Variants in GRIA4 observed in about 807,000 individuals in gnomAD.
The protein encoded by GRIA4 is glutamate ionotropic receptor AMPA type subunit 4.
A neutral mutation model predicts 104.0 loss-of-function variants in GRIA4; 34 were observed. The observed-to-expected ratio is 0.33, with a 90% CI of 0.25 to 0.44. The LOEUF (loss-of-function observed/expected upper bound fraction) is 0.44, where lower values mean the gene tolerates loss of function less well. Ranked by LOEUF, GRIA4 falls within the 20% of genes least tolerant of loss-of-function variation. GRIA4 has a pLI of 1.00. For missense variants in GRIA4, 750 were observed against 1,096.5 expected (o/e 0.68, Z 4.46); for synonymous variants, 386 against 381.9 (o/e 1.01, Z -0.13).
intron 3 of GRIA4, among the ~76,000 whole-genome samples, chr11:105,625,959 T>C (rs924717520): frequency 6.6e-6 from 1 of 152,144 alleles, no homozygotes; most frequent in African/African-American, 2.4e-5. Flanking sequence ...ATAAACTATT[T>C]TTAAATTCTG....
chr11:105,900,761 T>C (rs562661739), intron 7 of GRIA4, among the ~76,000 whole-genome samples: 120 of 152,164 alleles, frequency 7.9e-4, no homozygotes, highest in Admixed American at 2.2e-3. Flanking sequence ...GGCTAATCTT[T>C]GTATTTTTAG....
intron 3 of GRIA4, among the ~76,000 whole-genome samples, chr11:105,616,272 A>C (rs1349637450): frequency 6.6e-6 from 1 of 151,748 alleles, no homozygotes; most frequent in African/African-American, 2.4e-5. Context: ...AAAAGCTGTA[A>C]AAATCACAAA....
Position 105,933,901 on chromosome 11 carries a change from G to T in GRIA4, c.2226G>T (p.Thr742=), listed in dbSNP as rs116431428. Residue 742 remains threonine (T), a synonymous_variant, in exon 14 of 17, where the codon ACG becomes ACT. Transcript: ENST00000282499. ...EYIEQRKPCD[T]MKVGGNLDSK... is the part of the protein sequence containing the mutation. ...TTGAGCAGCGAAAGCCATGTGACAC[G>T]ATGAAAGTGGGAGGAAATCTGGATT... The T allele has an allele frequency of 7.5e-4, 1,206 of 1,613,202 alleles. 4 individuals carry two copies. In the African/African-American group the frequency reaches 0.014, roughly 19 times the overall value.
chr11:105,757,286 G>A (rs969452468), intron 4 of GRIA4, among the ~76,000 whole-genome samples: 17 of 152,206 alleles, frequency 1.1e-4, no homozygotes, highest in African/African-American at 3.1e-4. Flanking sequence ...AAAGGGAGGC[G>A]TGTGCCTATC....
At chr11:105,828,465 G>A (rs1288145286) in intron 4 of GRIA4, among the ~76,000 whole-genome samples, 1 of 151,904 alleles carries the variant, frequency 6.6e-6, no homozygotes, top group Non-Finnish European at 1.5e-5. Flanking sequence ...ATGCTACCTA[G>A]GCAGCACTGG....
intron 3 of GRIA4, among the ~76,000 whole-genome samples, chr11:105,680,653 A>T (rs749200108): frequency 7.0e-4 from 107 of 152,050 alleles, no homozygotes; most frequent in Non-Finnish European, 1.2e-3. Flanking sequence ...TGTGCTTTTT[A>T]AAAAAATATA....
At chr11:105,655,350 A>T (rs577798878) in intron 3 of GRIA4, among the ~76,000 whole-genome samples, 32 of 151,856 alleles carry the variant, frequency 2.1e-4, no homozygotes, top group Non-Finnish European at 4.3e-4. Context: ...TCTTTTTTTT[A>T]AATTATACTT....
At chr11:105,759,798 G>A (rs1422880433) in intron 4 of GRIA4, among the ~76,000 whole-genome samples, 8 of 152,094 alleles carry the variant, frequency 5.3e-5, no homozygotes, top group Non-Finnish European at 7.4e-5. Flanking sequence ...ATCTTCAAGT[G>A]AGTTAAATCC....
At chr11:105,627,247 A>G (rs1950909202) in intron 3 of GRIA4, among the ~76,000 whole-genome samples, 1 of 152,136 alleles carries the variant, frequency 6.6e-6, no homozygotes. Context: ...TGTATGGATG[A>G]CATTGGAGAA....
intron 4 of GRIA4, among the ~76,000 whole-genome samples, chr11:105,856,248 AT>A (rs1411288600): frequency 6.6e-6 from 1 of 152,004 alleles, no homozygotes; most frequent in Non-Finnish European, 1.5e-5. Context: ...TCTAAGACAC[AT>A]TGTTTTGTCA....
At chr11:105,717,698 C>CT (rs1472398156) in intron 3 of GRIA4, among the ~76,000 whole-genome samples, 1 of 151,534 alleles carries the variant, frequency 6.6e-6, no homozygotes, top group Non-Finnish European at 1.5e-5. Context: ...TTTGTTCTCT[C>CT]TTTTTTCTTT....
chr11:105,679,909 C>T (rs2135462015), intron 3 of GRIA4, among the ~76,000 whole-genome samples: 1 of 152,154 alleles, frequency 6.6e-6, no homozygotes, highest in East Asian at 1.9e-4. Context: ...AGAATCCTCC[C>T]TGGATTATGT....
At chr11:105,763,830 A>G (rs1258123372) in intron 4 of GRIA4, among the ~76,000 whole-genome samples, 1 of 152,226 alleles carries the variant, frequency 6.6e-6, no homozygotes, top group Non-Finnish European at 1.5e-5. Flanking sequence ...GCCAAAAAGG[A>G]TTCCATGCCA....
intron 3 of GRIA4, among the ~76,000 whole-genome samples, chr11:105,617,982 C>G: frequency 6.6e-6 from 1 of 151,842 alleles, no homozygotes; most frequent in Non-Finnish European, 1.5e-5. Context: ...GATGATATTG[C>G]CTGATCTGGG....
At chr11:105,821,062 CT>C (rs1385750440) in intron 4 of GRIA4, among the ~76,000 whole-genome samples, 4 of 152,146 alleles carry the variant, frequency 2.6e-5, no homozygotes, top group African/African-American at 9.7e-5. Context: ...CTCATACCTT[CT>C]GTTCAATTTG....
intron 3 of GRIA4, among the ~76,000 whole-genome samples, chr11:105,620,404 C>A (rs1264151835): frequency 6.6e-6 from 1 of 151,700 alleles, no homozygotes; most frequent in African/African-American, 2.4e-5. Flanking sequence ...TCAAAGTATC[C>A]AGGGCATCTG....
chr11:105,625,578 A>C (rs900118735), intron 3 of GRIA4, among the ~76,000 whole-genome samples: 1 of 152,104 alleles, frequency 6.6e-6, no homozygotes, highest in Admixed American at 6.5e-5. Context: ...AAATATAATA[A>C]CTTAAATTAA....
intron 3 of GRIA4, among the ~76,000 whole-genome samples, chr11:105,624,615 AATCTTT>A (rs1425375996): frequency 6.6e-6 from 1 of 152,120 alleles, no homozygotes; most frequent in Non-Finnish European, 1.5e-5. Flanking sequence ...TTAATTACTT[AATCTTT>A]AACTATGTAT....
At chr11:105,766,142 T>C (rs560684153) in intron 4 of GRIA4, among the ~76,000 whole-genome samples, 66 of 152,272 alleles carry the variant, frequency 4.3e-4, no homozygotes, top group South Asian at 6.2e-4. Flanking sequence ...TCTTTAACAA[T>C]AATGATTAAA....
Sources: gnomAD v4.1 joint callset for allele counts (sites outside exome capture counted in the v4.1 genomes callset) on GRCh38, gnomAD v4.1.1 for gene constraint, MANE v1.5 for transcripts, NCBI Gene and HGNC (gene_info 2026-07-23, HGNC 2026-07-21) for gene names.